MYOM1: variants seen among roughly 807,000 people sequenced by gnomAD.
MYOM1 encodes myomesin-1.
MYOM1 carries 164 observed loss-of-function variants against 205.3 expected under a neutral mutation model. The ratio of observed to expected loss-of-function variants is 0.80; its 90% CI spans 0.70 to 0.91. MYOM1 has a LOEUF of 0.91. MYOM1 is among the 40% of genes least tolerant of loss of function. The pLI is 0.00. For missense variants in MYOM1, 2,011 were observed against 2,127.3 expected (o/e 0.95, Z 1.08); for synonymous variants, 772 against 789.4 (o/e 0.98, Z 0.37).
chr18:3,085,057 GC>G lies in MYOM1; in HGVS notation c.4326del (p.Lys1442AsnfsTer10), dbSNP rs1336860158. 26 of 1,605,330 alleles carry G rather than the reference GC, an allele frequency of 1.6e-5. No homozygotes were observed. Among genetic ancestry groups the G allele is most frequent in the Non-Finnish European group, 2.0e-5 (24 of 1,175,536 alleles). On this transcript the variant is annotated frameshift_variant, in exon 31 of 38. Transcript: ENST00000356443. LOFTEE classifies it high-confidence loss of function. ...TTGGTGGACTGACCTTCATCCACAAGCTTCAGTCTGCTCTTATCTTTTCCTC... is the reference window on the plus strand; with the variant it reads ...TTGGTGGACTGACCTTCATCCACAAGTTCAGTCTGCTCTTATCTTTTCCTC... ...DDRGKDKSRL[K>X]LVDEAFKELM...
chr18:3,082,052 G>A (rs576781899), intron 33 of MYOM1, among the ~76,000 whole-genome samples: 54 of 152,296 alleles, frequency 3.5e-4, no homozygotes, highest in African/African-American at 1.3e-3. Context: ...TTCTTATAAG[G>A]AGCGCACAAC....
At chr18:3,190,408 G>C (rs535959226) in intron 3 of MYOM1, 1 of 152,148 alleles carries the variant, frequency 6.6e-6, no homozygotes, top group South Asian at 2.1e-4. Context: ...AATCTATGCT[G>C]CTTGCTGAGG....
intron 3 of MYOM1, among the ~76,000 whole-genome samples, chr18:3,193,033 C>A (rs1380855642): frequency 6.6e-6 from 1 of 151,794 alleles, no homozygotes; most frequent in Non-Finnish European, 1.5e-5. Flanking sequence ...CTTTGGGAGG[C>A]CAAGCAGGGA....
At chr18:3,188,230 T>C (rs547043742) in intron 4 of MYOM1, among the ~76,000 whole-genome samples, 142 of 152,276 alleles carry the variant, frequency 9.3e-4, no homozygotes, top group African/African-American at 3.3e-3. Flanking sequence ...TTAAAACTAT[T>C]GTTTGCTTTC....
intron 5 of MYOM1, among the ~76,000 whole-genome samples, chr18:3,185,898 T>G (rs1336458644): frequency 6.6e-6 from 1 of 152,112 alleles, no homozygotes; most frequent in Admixed American, 6.5e-5. Context: ...ATGTGCTCCT[T>G]AAGAACAACC....
At chr18:3,216,064 T>C (rs1044526239) in intron 1 of MYOM1, among the ~76,000 whole-genome samples, 1 of 152,056 alleles carries the variant, frequency 6.6e-6, no homozygotes, top group African/African-American at 2.4e-5. Context: ...GGTCAGGAGT[T>C]CAAGACCAGC....
At chr18:3,156,888 C>T (rs965621803) in intron 10 of MYOM1, among the ~76,000 whole-genome samples, 8 of 152,274 alleles carry the variant, frequency 5.3e-5, no homozygotes, top group East Asian at 3.9e-4. Flanking sequence ...GGATTACAGG[C>T]GTGAGCCACC....
Position 3,187,916 on chromosome 18 carries a change from G to C in MYOM1, c.772-279C>G, listed in dbSNP as rs1282138548. Among the ~76,000 whole-genome samples the C allele has an allele frequency of 2.2e-5, 3 of 135,456 alleles. No individual in the cohort carries two copies. The East Asian group carries it at 6.2e-4, about 28-fold the overall frequency. 88.9% of individuals were successfully genotyped at this position (135,456 alleles called of 152,430 possible). On this transcript the variant is annotated intron_variant, in intron 4 of 37. Transcript: ENST00000356443. ...GTGCACTGGTGCAACCTGCATCACT[G>C]CAGCCTCTGCCTCCCAGGTTCATGC...
At chr18:3,082,434 T>C (rs2079095114) in intron 33 of MYOM1, among the ~76,000 whole-genome samples, 1 of 152,158 alleles carries the variant, frequency 6.6e-6, no homozygotes, top group Non-Finnish European at 1.5e-5. Context: ...ACCTACCATG[T>C]AGAATGGTGA....
chr18:3,218,758 T>C (rs779192239), intron 1 of MYOM1, among the ~76,000 whole-genome samples: 16 of 152,242 alleles, frequency 1.1e-4, no homozygotes, highest in Non-Finnish European at 2.2e-4. Context: ...CTTGTTATGT[T>C]ATAAACTAAA....
chr18:3,134,169 G>A (rs1378566449), intron 16 of MYOM1, among the ~76,000 whole-genome samples: 1 of 152,158 alleles, frequency 6.6e-6, no homozygotes, highest in African/African-American at 2.4e-5. Flanking sequence ...ACAGGCATGA[G>A]CCACCACACC....
rs2079542216 is a variant in MYOM1, at chr18:3,112,470, T to A, written c.3304-58A>T. On this transcript the variant is annotated intron_variant, in intron 21 of 37. Transcript: ENST00000356443. ...TTGATGAAGCAGTGGCTGTTTTATG[T>A]CATTTAAACAGACGGGGCTCTTCCT... is the stretch of plus-strand genomic sequence containing the variant. 3 of 1,334,920 alleles carry A rather than the reference T, an allele frequency of 2.2e-6. No homozygotes were observed. In the African/African-American group the frequency reaches 4.4e-5, roughly 19 times the overall value. 82.7% of individuals were successfully genotyped at this position (1,334,920 alleles called of 1,614,324 possible).
At chr18:3,073,873 C>T (rs193166354) in intron 36 of MYOM1, among the ~76,000 whole-genome samples, 5 of 152,236 alleles carry the variant, frequency 3.3e-5, no homozygotes, top group Admixed American at 2.6e-4. Context: ...CTCTCTTTGC[C>T]GAGAGTTTTC....
intron 18 of MYOM1, among the ~76,000 whole-genome samples, chr18:3,128,254 C>T (rs1253250555): frequency 6.6e-6 from 1 of 152,116 alleles, no homozygotes; most frequent in Non-Finnish European, 1.5e-5. Context: ...TATGTGCTCT[C>T]AAATGAATAT....
the MYOM1 span, among the ~76,000 whole-genome samples, chr18:3,245,188 G>T: frequency 6.6e-6 from 1 of 152,176 alleles, no homozygotes; most frequent in Admixed American, 6.5e-5. Context: ...GAATTGAAAA[G>T]AACAGAATAG....
chr18:3,150,084 G>C (rs1392732075), intron 12 of MYOM1, among the ~76,000 whole-genome samples: 2 of 152,112 alleles, frequency 1.3e-5, no homozygotes, highest in Middle Eastern at 3.2e-3. Context: ...TTTTCAGATG[G>C]AGTCTCGCTC....
In MYOM1 at chr18:3,079,332, TG is replaced by T; in HGVS notation, c.4494del (p.Ile1499LeufsTer63). On this transcript the variant is annotated frameshift_variant, in exon 34 of 38. Transcript: ENST00000356443. LOFTEE classifies it high-confidence loss of function. The stretch of plus-strand genomic sequence containing the variant: ...GTCTTAACTCTGTCTGAGTACCTAA[TG>T]GCGGACCCACTGTGAAAATCGAAGA... ...LKVNWSHNGS[A>X]IRYSDRVKTG... is the part of the protein sequence containing the mutation. 6.2e-7 allele frequency: 1 copy of T among 1,607,770 alleles called. No individual in the cohort carries two copies. Among genetic ancestry groups the T allele is most frequent in the Admixed American group, 1.7e-5 (1 of 59,538 alleles).
chr18:3,106,463 T>C (rs1363528035), intron 22 of MYOM1, among the ~76,000 whole-genome samples: 11 of 152,232 alleles, frequency 7.2e-5, no homozygotes, highest in Non-Finnish European at 1.0e-4. Context: ...AGAAATGGGA[T>C]CATGCATACT....
At chr18:3,244,526 G>A in the MYOM1 span, among the ~76,000 whole-genome samples, 1 of 152,118 alleles carries the variant, frequency 6.6e-6, no homozygotes, top group Admixed American at 6.5e-5. Context: ...GGCACAGACG[G>A]GCAGATCACT....
Sources: gnomAD v4.1 joint callset for allele counts (sites outside exome capture counted in the v4.1 genomes callset) on GRCh38, gnomAD v4.1.1 for gene constraint, MANE v1.5 for transcripts, NCBI Gene and HGNC (gene_info 2026-07-23, HGNC 2026-07-21) for gene names.